The following CHIC2 variants were observed in gnomAD, a reference collection of about 807,000 sequenced individuals.
CHIC2 encodes cysteine-rich hydrophobic domain-containing protein 2.
Under a neutral mutation model 25.9 loss-of-function variants are expected in CHIC2, and 14 were observed. The observed-to-expected ratio is 0.54, with a 90% CI of 0.36 to 0.85. The LOEUF is 0.85. CHIC2 is among the 40% of genes least tolerant of loss of function. The pLI is 0.01. For missense variants in CHIC2, 146 were observed against 202.0 expected (o/e 0.72, Z 1.68); for synonymous variants, 70 against 72.0 (o/e 0.97, Z 0.14).
At chr4:54,051,575 T>C (rs1303449883) in intron 1 of CHIC2, among the ~76,000 whole-genome samples, 1 of 152,098 alleles carries the variant, frequency 6.6e-6, no homozygotes, top group East Asian at 1.9e-4. Flanking sequence ...AAAAATGTCA[T>C]GGAATATAAA....
At chr4:54,062,984 T>C (rs1182589310) in intron 1 of CHIC2, among the ~76,000 whole-genome samples, 1 of 152,236 alleles carries the variant, frequency 6.6e-6, no homozygotes, top group Non-Finnish European at 1.5e-5. Context: ...TTTTACCCTG[T>C]TAAGTCACCT....
chr4:54,080,771 A>T, the CHIC2 span, among the ~76,000 whole-genome samples: 3 of 150,266 alleles, frequency 2.0e-5, no homozygotes, highest in Non-Finnish European at 3.0e-5. Context: ...AAAAAAAAAA[A>T]GTACTGGGGT....
intron 3 of CHIC2, among the ~76,000 whole-genome samples, chr4:54,047,341 C>T (rs1360239479): frequency 2.6e-5 from 4 of 152,120 alleles, no homozygotes; most frequent in African/African-American, 9.7e-5. Flanking sequence ...TATAAAGACA[C>T]ATGCACACGT....
intron 3 of CHIC2, 64 bp from the exon 4 acceptor site, chr4:54,014,183 G>C (rs1375256903): frequency 7.1e-7 from 1 of 1,418,374 alleles, no homozygotes; most frequent in Non-Finnish European, 9.9e-7. Flanking sequence ...TTTTGCAGCT[G>C]CTTTTTCTGT....
intron 3 of CHIC2, among the ~76,000 whole-genome samples, chr4:54,039,025 G>A (rs1046264483): frequency 1.3e-5 from 2 of 151,926 alleles, no homozygotes; most frequent in Non-Finnish European, 2.9e-5. Context: ...AAAAAGGATA[G>A]TCTTCTCAAC....
At position 54,064,087 on chromosome 4, in the gene CHIC2, G is replaced by A; in HGVS notation, c.119+95C>T. Reference sequence around the variant, plus strand: ...TTGCCTACTCTTTCGGAAGGCCCCCGACACCAGACGGACACAGGGGAAACG... The same window carrying A: ...TTGCCTACTCTTTCGGAAGGCCCCCAACACCAGACGGACACAGGGGAAACG... On this transcript the variant is annotated intron_variant, in intron 1 of 5. Coordinates refer to ENST00000263921, the MANE Select transcript of CHIC2 (RefSeq NM_012110.4). The surrounding 1 kb of genome is among the most constrained non-coding windows in gnomAD (Gnocchi z 4.2). 1 of 1,094,856 alleles carries A rather than the reference G, an allele frequency of 9.1e-7. No individual in the cohort carries two copies. The highest frequency in any genetic ancestry group is 1.3e-6 in the Non-Finnish European group (1 of 756,760). The allele number at this position is 1,094,856 out of a possible 1,614,324, so 67.8% of individuals were successfully genotyped here. A position where few individuals can be genotyped will look rare whatever the true frequency, so the allele number is the denominator to read the frequency against.
At chr4:54,050,669 G>C (rs1716982418) in intron 1 of CHIC2, among the ~76,000 whole-genome samples, 1 of 152,056 alleles carries the variant, frequency 6.6e-6, no homozygotes, top group Non-Finnish European at 1.5e-5. Context: ...TTACCACTGT[G>C]TTATAACTGC....
chr4:54,062,504 A>G (rs1381828018), intron 1 of CHIC2, among the ~76,000 whole-genome samples: 1 of 152,010 alleles, frequency 6.6e-6, no homozygotes, highest in African/African-American at 2.4e-5. Context: ...ATTATTTTCT[A>G]CCCTATTAAC....
At chr4:54,023,056 G>A (rs924077816) in intron 3 of CHIC2, among the ~76,000 whole-genome samples, 5 of 151,930 alleles carry the variant, frequency 3.3e-5, no homozygotes, top group Non-Finnish European at 7.4e-5. Flanking sequence ...AAACCTAGCT[G>A]ACCCCATAGA....
upstream of CHIC2, chr4:54,064,675 G>T (rs1577992320): frequency 1.9e-6 from 2 of 1,027,536 alleles, no homozygotes; most frequent in South Asian, 8.9e-5. The surrounding 1 kb of genome is among the most constrained non-coding windows in gnomAD (Gnocchi z 4.2). Flanking sequence ...CCGGGCCAAC[G>T]GGCGGGCGGG....
intron 3 of CHIC2, among the ~76,000 whole-genome samples, chr4:54,041,929 A>G (rs1716590751): frequency 6.6e-6 from 1 of 151,986 alleles, no homozygotes; most frequent in Admixed American, 6.6e-5. Flanking sequence ...TGATGTGTGC[A>G]GCAAACCACC....
chr4:54,077,344 A>G, the CHIC2 span, among the ~76,000 whole-genome samples: 1 of 152,242 alleles, frequency 6.6e-6, no homozygotes, highest in Non-Finnish European at 1.5e-5. Context: ...AAAGCCTTGT[A>G]GAAACACAAG....
intron 3 of CHIC2, among the ~76,000 whole-genome samples, chr4:54,047,481 G>T (rs1204470389): frequency 6.6e-6 from 1 of 152,030 alleles, no homozygotes; most frequent in Admixed American, 6.6e-5. Flanking sequence ...AAAAAAGGAT[G>T]AGTTCATGTC....
the CHIC2 span, among the ~76,000 whole-genome samples, chr4:54,082,519 T>G: frequency 2.6e-5 from 4 of 152,344 alleles, no homozygotes; most frequent in South Asian, 8.3e-4. Flanking sequence ...TCCATCAGGA[T>G]TTCCCTACTC....
chr4:54,041,208 T>C (rs1251425359), intron 3 of CHIC2, among the ~76,000 whole-genome samples: 1 of 151,860 alleles, frequency 6.6e-6, no homozygotes, highest in Non-Finnish European at 1.5e-5. Flanking sequence ...CAGTGAATAA[T>C]GTGAAGAAAG....
the CHIC2 span, among the ~76,000 whole-genome samples, chr4:54,091,474 T>C: frequency 1.3e-5 from 2 of 152,134 alleles, no homozygotes; most frequent in Admixed American, 6.5e-5. Flanking sequence ...GTTTCTCGTA[T>C]TCCTCACATT....
chr4:54,061,049 T>C (rs931215194), intron 1 of CHIC2: 2 of 152,128 alleles, frequency 1.3e-5, no homozygotes, highest in African/African-American at 4.8e-5. Flanking sequence ...CAGAAGAATG[T>C]CAGAAAAGAA....
the CHIC2 span, among the ~76,000 whole-genome samples, chr4:54,088,271 C>T: frequency 2.6e-5 from 4 of 151,956 alleles, no homozygotes; most frequent in Non-Finnish European, 4.4e-5. Flanking sequence ...TCTGTCTTTG[C>T]GCAAATTGTT....
chr4:54,020,312 T>C (rs543793357), intron 3 of CHIC2, among the ~76,000 whole-genome samples: 190 of 152,310 alleles, frequency 1.2e-3, no homozygotes, highest in Non-Finnish European at 1.6e-3. Flanking sequence ...GAATGTACTT[T>C]GTTAGATCCA....
Sources: gnomAD v4.1 joint callset for allele counts (sites outside exome capture counted in the v4.1 genomes callset) on GRCh38, gnomAD v4.1.1 for gene constraint, Gnocchi (gnomAD v3.1) non-coding constraint, MANE v1.5 for transcripts, NCBI Gene and HGNC (gene_info 2026-07-23, HGNC 2026-07-21) for gene names.